PLPPR5: variants seen among roughly 807,000 people sequenced by gnomAD.
PLPPR5 encodes the protein phospholipid phosphatase-related protein type 5.
Under a neutral mutation model 33.9 loss-of-function variants are expected in PLPPR5, and 16 were observed. The observed-to-expected ratio is 0.47, with a 90% CI of 0.32 to 0.72. The LOEUF is 0.72. Among genes scored for constraint, PLPPR5 ranks in the 30% least tolerant of loss-of-function variants. The probability of loss-of-function intolerance (pLI) is 0.03; values close to 1 mark genes in which losing one functional copy is unlikely to be tolerated. For synonymous variants in PLPPR5, 163 were observed against 150.3 expected, an observed-to-expected ratio of 1.08 and a Z score of -0.62; for missense variants, 301 against 406.7, an observed-to-expected ratio of 0.74 and a Z score of 2.23.
At chr1:98,904,888 TG>T (rs1557663453) in intron 5 of PLPPR5, among the ~76,000 whole-genome samples, 5 of 152,324 alleles carry the variant, frequency 3.3e-5, no homozygotes, top group Non-Finnish European at 1.5e-5. Flanking sequence ...AGTGACACTC[TG>T]GCTGGGAGCC....
intron 1 of PLPPR5, among the ~76,000 whole-genome samples, chr1:98,976,273 C>T (rs1259095504): frequency 7.2e-5 from 11 of 151,906 alleles, no homozygotes; most frequent in Non-Finnish European, 1.6e-4. Context: ...TGTAATATGT[C>T]TTGATTCAAG....
At chr1:98,898,255 T>G (rs976022221) in intron 5 of PLPPR5, among the ~76,000 whole-genome samples, 6 of 152,138 alleles carry the variant, frequency 3.9e-5, no homozygotes, top group Admixed American at 2.0e-4. Context: ...TCCTAAAATA[T>G]AAAATATTTT....
chr1:98,979,352 T>A (rs546266699), intron 1 of PLPPR5, among the ~76,000 whole-genome samples: 20 of 152,208 alleles, frequency 1.3e-4, no homozygotes, highest in Non-Finnish European at 2.5e-4. Flanking sequence ...CAAGTCTAAT[T>A]TTTTAAGCCT....
chr1:98,960,497 C>T (rs1331333436), intron 1 of PLPPR5, among the ~76,000 whole-genome samples: 1 of 152,076 alleles, frequency 6.6e-6, no homozygotes, highest in Admixed American at 6.6e-5. Context: ...AGCTACCGTG[C>T]CCAGCCTGCT....
intron 1 of PLPPR5, among the ~76,000 whole-genome samples, chr1:98,978,921 A>T (rs1651962583): frequency 6.6e-6 from 1 of 152,002 alleles, no homozygotes; most frequent in African/African-American, 2.4e-5. Flanking sequence ...CTTCCCAACC[A>T]AATCCAAATA....
chr1:98,931,310 T>A (rs934104660), intron 3 of PLPPR5, among the ~76,000 whole-genome samples: 2 of 99,994 alleles, frequency 2.0e-5, no homozygotes, highest in Admixed American at 1.0e-4. Context: ...TAAAATTTCA[T>A]GAATGCTTAC....
rs546685861 is a variant in PLPPR5, at chr1:98,890,601, T to C, written c.*2471A>G. The stretch of plus-strand genomic sequence containing the variant: ...GTAGAATAAAAAGGAGATGTTTTTA[T>C]CAGAAAGATATGTGTTTGCCTGCTT... On this transcript the variant is annotated 3_prime_UTR_variant, in exon 6 of 6. Coordinates refer to ENST00000263177, the MANE Select transcript of PLPPR5 (RefSeq NM_001037317.2). 2 of 152,724 alleles carry C rather than the reference T, an allele frequency of 1.3e-5. No individual in the cohort carries two copies. The highest frequency in any genetic ancestry group is 4.8e-5 in the African/African-American group (2 of 41,570). The allele number at this position is 152,724 out of a possible 1,614,324, so 9.5% of individuals were successfully genotyped here.
chr1:98,940,455 G>C (rs979313763), intron 3 of PLPPR5, among the ~76,000 whole-genome samples: 4 of 151,912 alleles, frequency 2.6e-5, no homozygotes, highest in Non-Finnish European at 4.4e-5. Context: ...ATGAATCAAG[G>C]GAGGAAAAAA....
At chr1:98,995,860 C>G (rs1453218337) in intron 1 of PLPPR5, among the ~76,000 whole-genome samples, 1 of 152,020 alleles carries the variant, frequency 6.6e-6, no homozygotes, top group Non-Finnish European at 1.5e-5. Context: ...ATTATAACAT[C>G]ATCACCATGA....
intron 3 of PLPPR5, among the ~76,000 whole-genome samples, chr1:98,952,262 C>CAAAAAAAAAAAAAAAAAAA (rs779701945): frequency 2.7e-5 from 3 of 113,060 alleles, no homozygotes; most frequent in African/African-American, 9.4e-5. Flanking sequence ...GACTCCGTCT[C>CAAAAAAAAAAAAAAAAAAA]AGAAAAAAAA....
chr1:98,966,230 T>C (rs1420654278), intron 1 of PLPPR5, among the ~76,000 whole-genome samples: 1 of 152,198 alleles, frequency 6.6e-6, no homozygotes, highest in Non-Finnish European at 1.5e-5. Context: ...AATAATAGAA[T>C]GTATTCTTTT....
At chr1:98,942,643 T>A (rs1650418523) in intron 3 of PLPPR5, among the ~76,000 whole-genome samples, 1 of 152,124 alleles carries the variant, frequency 6.6e-6, no homozygotes, top group South Asian at 2.1e-4. Flanking sequence ...CCTACAAGCA[T>A]GGAGAAAGTG....
Position 98,927,209 on chromosome 1 carries a change from C to A in PLPPR5, c.622-5151G>T, listed in dbSNP as rs1167910369. 2.0e-5 allele frequency among the ~76,000 whole-genome samples: 3 copies of A among 152,334 alleles called. No individual in the cohort carries two copies. The East Asian group carries it at 5.8e-4, about 29-fold the overall frequency. ...TCAAAACTTCATCATAAGCACCCATCTTTCACTGAATAGAAATGGGATGGG... is the reference window on the plus strand; with the variant it reads ...TCAAAACTTCATCATAAGCACCCATATTTCACTGAATAGAAATGGGATGGG... On this transcript the variant is annotated intron_variant, in intron 3 of 5. Coordinates refer to ENST00000263177, the MANE Select transcript of PLPPR5 (RefSeq NM_001037317.2).
intron 1 of PLPPR5, among the ~76,000 whole-genome samples, chr1:98,982,729 T>G (rs976045426): frequency 1.3e-5 from 2 of 152,200 alleles, no homozygotes; most frequent in African/African-American, 4.8e-5. Flanking sequence ...CTAAGGGACC[T>G]GAATATCACT....
chr1:98,964,073 A>C (rs534788377), intron 1 of PLPPR5, among the ~76,000 whole-genome samples: 4 of 152,118 alleles, frequency 2.6e-5, no homozygotes, highest in African/African-American at 7.2e-5. Context: ...TTTTCACTAG[A>C]TTCCCAAAGC....
intron 1 of PLPPR5, among the ~76,000 whole-genome samples, chr1:98,959,340 G>T (rs557853513): frequency 1.3e-5 from 2 of 152,116 alleles, no homozygotes; most frequent in African/African-American, 4.8e-5. Flanking sequence ...TTCACCTTGC[G>T]GAATTTCCGA....
intron 1 of PLPPR5, among the ~76,000 whole-genome samples, chr1:98,964,426 C>T (rs1651361027): frequency 6.6e-6 from 1 of 152,128 alleles, no homozygotes; most frequent in African/African-American, 2.4e-5. Flanking sequence ...ATGGATCAGC[C>T]TTTCACGGAG....
At chr1:98,901,417 C>T (rs147182342) in intron 5 of PLPPR5, among the ~76,000 whole-genome samples, 41 of 152,030 alleles carry the variant, frequency 2.7e-4, no homozygotes, top group East Asian at 2.1e-3. Context: ...TAAAGCTATA[C>T]GCCAAGGAAG....
At chr1:98,915,605 TA>T (rs995238237) in intron 4 of PLPPR5, among the ~76,000 whole-genome samples, 2 of 150,754 alleles carry the variant, frequency 1.3e-5, no homozygotes, top group East Asian at 1.9e-4. Flanking sequence ...CCTGATGTTC[TA>T]AAAAAAAAGA....
Sources: allele counts gnomAD v4.1 joint callset (sites outside exome capture counted in the v4.1 genomes callset), GRCh38; gene constraint gnomAD v4.1.1; transcripts MANE v1.5; gene names NCBI Gene and HGNC (gene_info 2026-07-23, HGNC 2026-07-21).